ARB2A: variants seen among roughly 807,000 people sequenced by gnomAD.
The protein encoded by ARB2A is ARB2 cotranscriptional regulator A.
At chr5:93,809,524 C>CATA in the ARB2A span, among the ~76,000 whole-genome samples, 2 of 151,990 alleles carry the variant, frequency 1.3e-5, no homozygotes, top group African/African-American at 4.8e-5. Flanking sequence ...TTCCCTAAGG[C>CATA]ATAACTAAAC....
chr5:93,860,169 T>C, the ARB2A span, among the ~76,000 whole-genome samples: 1 of 152,168 alleles, frequency 6.6e-6, no homozygotes, highest in Non-Finnish European at 1.5e-5. Flanking sequence ...GGCACACACC[T>C]GTAATCCCAG....
chr5:93,776,852 T>C, the ARB2A span, among the ~76,000 whole-genome samples: 1 of 152,028 alleles, frequency 6.6e-6, no homozygotes, highest in African/African-American at 2.4e-5. Context: ...AAGTGAAGTT[T>C]AGATGGCCAA....
chr5:93,989,247 C>A, the ARB2A span, among the ~76,000 whole-genome samples: 6 of 151,980 alleles, frequency 3.9e-5, no homozygotes, highest in South Asian at 8.3e-4. Context: ...TAAAGTTGTG[C>A]AAAATACTTT....
the ARB2A span, among the ~76,000 whole-genome samples, chr5:93,874,181 C>T: frequency 3.9e-5 from 6 of 152,164 alleles, no homozygotes; most frequent in East Asian, 3.9e-4. Flanking sequence ...TACTGTAATA[C>T]GAAAACATAT....
At chr5:93,962,879 A>T in the ARB2A span, among the ~76,000 whole-genome samples, 1 of 152,100 alleles carries the variant, frequency 6.6e-6, no homozygotes, top group Admixed American at 6.5e-5. Context: ...AAGGATAATC[A>T]GATCCATAAT....
chr5:93,824,128 A>T, the ARB2A span: 14 of 1,548,554 alleles, frequency 9.0e-6, no homozygotes, highest in Non-Finnish European at 1.2e-5. Context: ...GGAACTACAG[A>T]GAGTAAAATA....
the ARB2A span, among the ~76,000 whole-genome samples, chr5:94,033,979 G>A: frequency 2.0e-5 from 3 of 152,168 alleles, no homozygotes; most frequent in Non-Finnish European, 2.9e-5. Flanking sequence ...TAGCAAGCAG[G>A]TTGTTACAAA....
the ARB2A span, among the ~76,000 whole-genome samples, chr5:93,811,197 A>C: frequency 1.3e-5 from 2 of 152,142 alleles, no homozygotes; most frequent in African/African-American, 4.8e-5. Flanking sequence ...AATGAGCCAC[A>C]AAAAAGAGCC....
the ARB2A span, among the ~76,000 whole-genome samples, chr5:93,886,621 T>G: frequency 6.6e-6 from 1 of 151,726 alleles, no homozygotes; most frequent in Admixed American, 6.6e-5. Context: ...AACAGTGAGA[T>G]GAGGTCATGA....
chr5:93,780,409 T>G, the ARB2A span, among the ~76,000 whole-genome samples: 32 of 152,306 alleles, frequency 2.1e-4, no homozygotes, highest in South Asian at 2.3e-3. Context: ...CTTTTACCTC[T>G]CTCTCCTCAA....
the ARB2A span, among the ~76,000 whole-genome samples, chr5:93,712,126 C>T: frequency 6.6e-6 from 1 of 152,156 alleles, no homozygotes; most frequent in South Asian, 2.1e-4. Flanking sequence ...AACTCAAACA[C>T]GGATCCATCC....
At chr5:93,968,455 G>C in the ARB2A span, among the ~76,000 whole-genome samples, 3 of 152,088 alleles carry the variant, frequency 2.0e-5, no homozygotes, top group African/African-American at 4.8e-5. Flanking sequence ...TAGTAGACTG[G>C]ACATGGCCAA....
the ARB2A span, among the ~76,000 whole-genome samples, chr5:94,108,943 A>C: frequency 1.3e-5 from 2 of 152,224 alleles, no homozygotes; most frequent in African/African-American, 4.8e-5. Context: ...AAAAGAAATG[A>C]AAGCAGAGAG....
chr5:93,762,937 T>C, the ARB2A span, among the ~76,000 whole-genome samples: 1 of 152,186 alleles, frequency 6.6e-6, no homozygotes, highest in Admixed American at 6.5e-5. Context: ...CAGAATTTCA[T>C]ATCCAGCCAA....
chr5:93,881,568 T>C, the ARB2A span: 2 of 1,611,390 alleles, frequency 1.2e-6, no homozygotes, highest in Admixed American at 3.3e-5. Context: ...ACTTTATCTT[T>C]TCTTTCCCGT....
chr5:94,091,802 A>G, the ARB2A span, among the ~76,000 whole-genome samples: 3 of 152,216 alleles, frequency 2.0e-5, no homozygotes, highest in African/African-American at 7.2e-5. Context: ...AGTCTACTCT[A>G]TGTAACATTA....
At chr5:93,805,509 A>T in the ARB2A span, 1 of 985,118 alleles carries the variant, frequency 1.0e-6, no homozygotes, top group Non-Finnish European at 1.2e-6. Context: ...CTTCCAGTGT[A>T]AGGTCCTGAG....
the ARB2A span, chr5:93,805,593 C>T: frequency 6.1e-6 from 6 of 985,110 alleles, no homozygotes; most frequent in Non-Finnish European, 7.2e-6. Flanking sequence ...GGTCACAATC[C>T]TTTATTTCTC....
the ARB2A span, among the ~76,000 whole-genome samples, chr5:94,004,596 A>T: frequency 0.021 from 3,235 of 150,706 alleles, 99 homozygotes; most frequent in African/African-American, 0.074. Flanking sequence ...AAAAAAAAAA[A>T]TTTTTTTTTG....
Sources: allele counts gnomAD v4.1 joint callset (sites outside exome capture counted in the v4.1 genomes callset), GRCh38; gene constraint gnomAD v4.1.1; transcripts MANE v1.5; gene names NCBI Gene and HGNC (gene_info 2026-07-23, HGNC 2026-07-21).